Variants in ADAM22 observed in about 807,000 individuals in gnomAD.
ADAM22 encodes ADAM metallopeptidase domain 22.
In ADAM22, 65 loss-of-function variants were observed where a neutral mutation model predicts 144.6. The observed-to-expected ratio is 0.45, with a 90% confidence interval of 0.37 to 0.55. The LOEUF (loss-of-function observed/expected upper bound fraction) is 0.55, where lower values mean the gene tolerates loss of function less well. Among genes scored for constraint, ADAM22 ranks in the 20% least tolerant of loss-of-function variants. The pLI is 0.00. For synonymous variants in ADAM22, 391 were observed against 412.6 expected, an observed-to-expected ratio of 0.95 and a Z score of 0.63; for missense variants, 974 against 1,184.9, an observed-to-expected ratio of 0.82 and a Z score of 2.61.
chr7:88,031,667 A>G (rs1260445107), intron 3 of ADAM22, among the ~76,000 whole-genome samples: 1 of 152,228 alleles, frequency 6.6e-6, no homozygotes, highest in Non-Finnish European at 1.5e-5. Context: ...CCTGGAACTT[A>G]TATTTAAAAG....
intron 3 of ADAM22, among the ~76,000 whole-genome samples, chr7:87,984,945 T>TG (rs1854591480): frequency 6.6e-6 from 1 of 152,128 alleles, no homozygotes; most frequent in African/African-American, 2.4e-5. Flanking sequence ...ATGTTGAGAT[T>TG]ACAGACATGA....
intron 13 of ADAM22, among the ~76,000 whole-genome samples, chr7:88,135,726 A>G (rs1832855119): frequency 6.6e-6 from 1 of 152,194 alleles, no homozygotes; most frequent in African/African-American, 2.4e-5. Flanking sequence ...TTTTAAATAA[A>G]TGGTTTAAAT....
intron 3 of ADAM22, among the ~76,000 whole-genome samples, chr7:88,020,444 G>A (rs1161886963): frequency 6.6e-6 from 1 of 152,184 alleles, no homozygotes; most frequent in Non-Finnish European, 1.5e-5. Flanking sequence ...ATGCTTGGAG[G>A]AGGATGCATA....
chr7:88,065,833 A>G (rs1811097287), intron 3 of ADAM22, among the ~76,000 whole-genome samples: 1 of 152,172 alleles, frequency 6.6e-6, no homozygotes, highest in African/African-American at 2.4e-5. Context: ...TAGAAACAGA[A>G]TTGCAGGTTC....
At position 88,114,607 on chromosome 7, in the gene ADAM22, A is replaced by G; in HGVS notation, c.497A>G (p.His166Arg). The G allele has an allele frequency of 6.2e-7, 1 of 1,613,944 alleles. No homozygotes were observed. ...GLHGMFYDGN[H>R]TYLIEPEEND... ...AGTGGGATGTTCTATGACGGGAACCACACATATCTCATTGAGCCAGAAGAA... is the reference window on the plus strand; with the variant it reads ...AGTGGGATGTTCTATGACGGGAACCGCACATATCTCATTGAGCCAGAAGAA... The change falls in exon 6 of 32, where the codon CAC (histidine) becomes CGC (arginine). Residue 166 changes from histidine to arginine, a missense_variant. This residue lies in a region of ADAM22 where 240 missense variants were observed against 234.3 expected (regional missense o/e 1.02). Coordinates refer to ENST00000413139, the MANE Select transcript of ADAM22 (RefSeq NM_001324418.2).
chr7:88,171,118 G>T (rs1403776538), intron 25 of ADAM22, among the ~76,000 whole-genome samples: 1 of 151,664 alleles, frequency 6.6e-6, no homozygotes, highest in Non-Finnish European at 1.5e-5. Context: ...CTATAGTTTG[G>T]GGTTTATATT....
chr7:87,954,034 G>T (rs1235802322), intron 2 of ADAM22, among the ~76,000 whole-genome samples: 2 of 152,014 alleles, frequency 1.3e-5, no homozygotes, highest in Non-Finnish European at 1.5e-5. Context: ...GCCTGTGTGT[G>T]TCTCTGCCCG....
intron 3 of ADAM22, among the ~76,000 whole-genome samples, chr7:88,055,627 C>T (rs1808035581): frequency 6.6e-6 from 1 of 152,106 alleles, no homozygotes; most frequent in Non-Finnish European, 1.5e-5. Context: ...ATATTAACCG[C>T]ACCTAGTTGA....
Position 88,200,313 on chromosome 7 carries a change from T to C in ADAM22, c.*3822T>C, listed in dbSNP as rs1396297150. The C allele has an allele frequency of 1.3e-5, 2 of 152,242 alleles. No homozygotes were observed. The highest frequency in any genetic ancestry group is 4.8e-5 in the African/African-American group (2 of 41,476). The allele number at this position is 152,242 out of a possible 1,614,324, so 9.4% of individuals were successfully genotyped here. On this transcript the variant is annotated 3_prime_UTR_variant, in exon 32 of 32. Coordinates refer to ENST00000413139, the MANE Select transcript of ADAM22 (RefSeq NM_001324418.2). ...AAATTCTTATCTAAAGAAAAGATTA[T>C]TTTACTTTATTTTACTTAAAGGAAA...
At chr7:88,019,855 ATATG>A (rs1297999808) in intron 3 of ADAM22, among the ~76,000 whole-genome samples, 40 of 132,458 alleles carry the variant, frequency 3.0e-4, no homozygotes, top group African/African-American at 1.0e-3. Context: ...ATCTCAAAAA[ATATG>A]TGTGTGTGTG....
chr7:88,059,395 CA>C lies in ADAM22; in HGVS notation c.324-16230del, dbSNP rs1809142027. Among the ~76,000 whole-genome samples, 3 of 152,120 alleles carry C rather than the reference CA, an allele frequency of 2.0e-5. No homozygotes were observed. In the South Asian group the frequency reaches 6.2e-4, roughly 32 times the overall value. On this transcript the variant is annotated intron_variant, in intron 3 of 31. Transcript: ENST00000413139. ...GTTGAAACAATGAAAAATTTGGGAA[CA>C]GAAGAAAATCTTTAAAGCTCAAAGC...
intron 2 of ADAM22, among the ~76,000 whole-genome samples, chr7:87,943,935 A>C (rs1226633048): frequency 1.3e-5 from 2 of 149,642 alleles, no homozygotes; most frequent in African/African-American, 4.9e-5. Context: ...TCAAGTAAAG[A>C]TTGTTAGATA....
chr7:88,196,471 C>T lies in ADAM22; in HGVS notation c.2875C>T (p.Leu959=). The T allele has an allele frequency of 6.2e-7, 1 of 1,614,108 alleles. No homozygotes were observed. The highest frequency in any genetic ancestry group is 8.5e-7 in the Non-Finnish European group (1 of 1,180,012). The change falls in exon 32 of 32, where the codon CTA becomes TTA. Residue 959 remains leucine, a splice_region_variant and synonymous_variant. Coordinates refer to ENST00000413139, the MANE Select transcript of ADAM22 (RefSeq NM_001324418.2). ...AATTTTGCTCTTTTCTGTTGTGCAG[C>T]TATGGGAGACATCCATTTAAGATCA... is the stretch of plus-strand genomic sequence containing the variant. ...DKKVNRQSAR[L]WETSI
chr7:88,152,570 T>C (rs1405504728), intron 20 of ADAM22, among the ~76,000 whole-genome samples: 3 of 152,212 alleles, frequency 2.0e-5, no homozygotes, highest in Non-Finnish European at 4.4e-5. Context: ...CAAAATATGC[T>C]GAATGAGAAA....
intron 3 of ADAM22, among the ~76,000 whole-genome samples, chr7:88,045,904 G>A (rs796686855): frequency 1.3e-5 from 2 of 148,696 alleles, no homozygotes; most frequent in South Asian, 2.1e-4. Context: ...GTGTGTGTGT[G>A]TGTGTGTGTG....
At chr7:88,069,647 A>G (rs1812218389) in intron 3 of ADAM22, among the ~76,000 whole-genome samples, 2 of 152,188 alleles carry the variant, frequency 1.3e-5, no homozygotes, top group Admixed American at 1.3e-4. Flanking sequence ...TTATTCCATT[A>G]TAGTATCAGG....
At chr7:88,153,413 C>A in intron 21 of ADAM22, 87 bp downstream of exon 21, 2 of 1,084,464 alleles carry the variant, frequency 1.8e-6, no homozygotes, top group Non-Finnish European at 1.4e-6. Context: ...CTGCTTTCTG[C>A]ATCACACAAA....
In ADAM22 at chr7:88,113,510, G is replaced by T. The variant is rs377593574; in HGVS notation, c.474-1074G>T. 2.7e-5 allele frequency among the ~76,000 whole-genome samples: 4 copies of T among 149,862 alleles called. No individual in the cohort carries two copies. In the East Asian group the frequency reaches 5.9e-4, roughly 22 times the overall value. On this transcript the variant is annotated intron_variant, in intron 5 of 31. Transcript: ENST00000413139. ...TCCCATCTGCTTAGAACTTTGCAGTGGCTCTTCATCTCTCTTAGAGTAAAA... is the reference window on the plus strand; with the variant it reads ...TCCCATCTGCTTAGAACTTTGCAGTTGCTCTTCATCTCTCTTAGAGTAAAA...
intron 3 of ADAM22, among the ~76,000 whole-genome samples, chr7:88,050,484 C>CA (rs111631002): frequency 0.62 from 72,548 of 116,968 alleles, 20,665 homozygotes; most frequent in East Asian, 0.84. Context: ...CAGGATAACT[C>CA]AAAAAAAAAA....
Sources: allele counts gnomAD v4.1 joint callset (sites outside exome capture counted in the v4.1 genomes callset), GRCh38; gene constraint gnomAD v4.1.1; regional missense constraint gnomAD v4.1.1; transcripts MANE v1.5; gene names NCBI Gene and HGNC (gene_info 2026-07-23, HGNC 2026-07-21).